CADM2: variants seen among roughly 807,000 people sequenced by gnomAD.
CADM2 encodes the protein immunoglobulin superfamily member 4D.
A neutral mutation model predicts 49.8 loss-of-function variants in CADM2; 12 were observed. The observed-to-expected ratio is 0.24, with a 90% CI of 0.15 to 0.39. CADM2 has a LOEUF of 0.39. CADM2 is among the 10% of genes least tolerant of loss of function. The pLI is 1.00. For synonymous variants in CADM2, 214 were observed against 175.4 expected (o/e 1.22, Z -1.74); for missense variants, 378 against 492.3 (o/e 0.77, Z 2.20).
intron 1 of CADM2, among the ~76,000 whole-genome samples, chr3:85,696,011 C>T (rs966868839): frequency 6.6e-6 from 1 of 152,042 alleles, no homozygotes; most frequent in Non-Finnish European, 1.5e-5. Context: ...TTGCATTTCC[C>T]TGATGATTAG....
intron 7 of CADM2, among the ~76,000 whole-genome samples, chr3:85,944,353 G>A (rs1722364867): frequency 6.6e-6 from 1 of 151,964 alleles, no homozygotes; most frequent in African/African-American, 2.4e-5. Flanking sequence ...GTCAACATTA[G>A]ACAGATCAAC....
At chr3:85,769,177 T>C (rs1414181750) in intron 2 of CADM2, among the ~76,000 whole-genome samples, 20 of 86,500 alleles carry the variant, frequency 2.3e-4, no homozygotes, top group Non-Finnish European at 3.2e-4. Flanking sequence ...TATATACACA[T>C]ATATACATAT....
rs564993646 is a variant in CADM2 at position 85,722,974 on chromosome 3, T to G, written c.62-3548T>G. On this transcript the variant is annotated intron_variant, in intron 1 of 9. Coordinates refer to ENST00000383699, the MANE Select transcript of CADM2 (RefSeq NM_001167675.2). ...GTCAATTATATTTGTACTTTATGAT[T>G]ATTTGTACTGATGTTTTTTCAGATA... Among the ~76,000 whole-genome samples, 29 of 152,290 alleles carry G rather than the reference T, an allele frequency of 1.9e-4. No individual in the cohort carries two copies. In the South Asian group the frequency reaches 5.2e-3, roughly 27 times the overall value.
intron 1 of CADM2, among the ~76,000 whole-genome samples, chr3:85,633,406 GA>G (rs1452309050): frequency 3.3e-5 from 5 of 151,794 alleles, no homozygotes; most frequent in African/African-American, 1.2e-4. Flanking sequence ...GTTTTGAGAA[GA>G]AAAAAAGATG....
At position 85,575,342 on chromosome 3, in the gene CADM2, G is replaced by C. The variant is rs188624713; in HGVS notation, c.62-151180G>C. The stretch of plus-strand genomic sequence containing the variant: ...CAAGGTGGGTGGATCACAAGGTCAG[G>C]AGATCCAGACCATCCTAGCTAACAT... On this transcript the variant is annotated intron_variant, in intron 1 of 9. Transcript: ENST00000383699. 9.7e-4 allele frequency among the ~76,000 whole-genome samples: 148 copies of C among 152,258 alleles called. 1 individual carries two copies. In the East Asian group the frequency reaches 0.026, roughly 26 times the overall value.
intron 1 of CADM2, among the ~76,000 whole-genome samples, chr3:85,085,898 G>T (rs2037350708): frequency 6.6e-6 from 1 of 152,024 alleles, no homozygotes; most frequent in Non-Finnish European, 1.5e-5. Context: ...AGTATTTAAA[G>T]AACAATTTTT....
At chr3:85,419,565 T>G (rs1303522235) in intron 1 of CADM2, among the ~76,000 whole-genome samples, 1 of 152,212 alleles carries the variant, frequency 6.6e-6, no homozygotes, top group Non-Finnish European at 1.5e-5. Flanking sequence ...ATCTTTGTTT[T>G]TGTATATTTG....
chr3:85,608,141 TGTTTA>T (rs1261007491), intron 1 of CADM2, among the ~76,000 whole-genome samples: 1 of 152,152 alleles, frequency 6.6e-6, no homozygotes. Flanking sequence ...TACAATGATG[TGTTTA>T]GTTAATTTTA....
At chr3:85,341,901 C>T (rs565528157) in intron 1 of CADM2, among the ~76,000 whole-genome samples, 2 of 151,996 alleles carry the variant, frequency 1.3e-5, no homozygotes, top group East Asian at 1.9e-4. Context: ...CATTTTATCC[C>T]CTGGAAAACA....
At position 85,515,610 on chromosome 3, in the gene CADM2, A is replaced by AATATATGT. The variant is rs1553734301; in HGVS notation, c.62-210906_62-210905insGTATATAT. 3.5e-5 allele frequency among the ~76,000 whole-genome samples: 4 copies of AATATATGT among 113,326 alleles called. No individual in the cohort carries two copies. The Admixed American group carries it at 3.7e-4, about 11-fold the overall frequency. The allele number at this position is 113,326 out of a possible 152,430, so 74.3% of individuals were successfully genotyped here. A position where few individuals can be genotyped will look rare whatever the true frequency, so the allele number is the denominator to read the frequency against. ...ACAGGAGAGTGCCACCACGCCCACT[A>AATATATGT]ATATATATATATATATATATATTTT... On this transcript the variant is annotated intron_variant, in intron 1 of 9. Transcript: ENST00000383699.
chr3:85,552,980 T>C (rs1211910665), intron 1 of CADM2, among the ~76,000 whole-genome samples: 3 of 152,144 alleles, frequency 2.0e-5, no homozygotes, highest in Admixed American at 6.6e-5. Context: ...CCTGGCCTCT[T>C]AGTTTATTTT....
intron 2 of CADM2, among the ~76,000 whole-genome samples, chr3:85,740,865 T>C (rs2068351470): frequency 6.6e-6 from 1 of 152,214 alleles, no homozygotes; most frequent in Non-Finnish European, 1.5e-5. Flanking sequence ...TATTAATTTA[T>C]ATGCTCACTC....
chr3:85,065,677 C>A (rs939543251), intron 1 of CADM2, among the ~76,000 whole-genome samples: 1 of 152,030 alleles, frequency 6.6e-6, no homozygotes, highest in African/African-American at 2.4e-5. Context: ...TCTTAAAGTT[C>A]TTTTATTACT....
chr3:85,796,081 A>G (rs11721040), intron 2 of CADM2, among the ~76,000 whole-genome samples: 1 of 152,068 alleles, frequency 6.6e-6, no homozygotes, highest in African/African-American at 2.4e-5. Flanking sequence ...TTTTCCACTT[A>G]TTTAAAGAAG....
chr3:86,073,258 G>A lies in CADM2; in HGVS notation c.*6475G>A, dbSNP rs1049538262. On this transcript the variant is annotated 3_prime_UTR_variant, in exon 10 of 10. Transcript: ENST00000383699. ...TAATGTAGCTTCAAAAATAAAATGT[G>A]CTATTTATATGACATGAAATTCATA... 1 of 151,876 alleles carries A rather than the reference G, an allele frequency of 6.6e-6. No homozygotes were observed. Among genetic ancestry groups the A allele is most frequent in the Non-Finnish European group, 1.5e-5 (1 of 67,910 alleles). The allele number at this position is 151,876 out of a possible 1,614,324, so 9.4% of individuals were successfully genotyped here.
intron 1 of CADM2, among the ~76,000 whole-genome samples, chr3:85,500,203 A>G (rs560850443): frequency 1.3e-5 from 2 of 152,280 alleles, no homozygotes; most frequent in Admixed American, 1.3e-4. Context: ...ACAAAATTGC[A>G]TTATTTATCC....
intron 1 of CADM2, among the ~76,000 whole-genome samples, chr3:85,604,298 G>T (rs1166885104): frequency 1.3e-5 from 2 of 151,866 alleles, no homozygotes; most frequent in Admixed American, 6.6e-5. Context: ...CTATCATAAG[G>T]TTCTGAGGCT....
intron 1 of CADM2, among the ~76,000 whole-genome samples, chr3:85,512,616 A>G (rs2040670511): frequency 6.6e-6 from 1 of 152,088 alleles, no homozygotes; most frequent in South Asian, 2.1e-4. Context: ...TTAAATGCAA[A>G]ACTACTTTGT....
chr3:85,710,511 A>G (rs2107735928), intron 1 of CADM2, among the ~76,000 whole-genome samples: 1 of 152,280 alleles, frequency 6.6e-6, no homozygotes, highest in South Asian at 2.1e-4. Flanking sequence ...TATGGCTCCT[A>G]AATGGAACAT....
Sources: allele counts gnomAD v4.1 joint callset (sites outside exome capture counted in the v4.1 genomes callset), GRCh38; gene constraint gnomAD v4.1.1; transcripts MANE v1.5; gene names NCBI Gene and HGNC (gene_info 2026-07-23, HGNC 2026-07-21).